RIN2: variants seen among roughly 807,000 people sequenced by gnomAD.
RIN2 encodes RAB5 interacting protein 2.
RIN2 carries 36 observed loss-of-function variants against 78.0 expected under a neutral mutation model. The observed-to-expected ratio is 0.46, with a 90% CI of 0.35 to 0.61. The LOEUF (loss-of-function observed/expected upper bound fraction) is 0.61. RIN2 is among the 20% of genes least tolerant of loss of function. The pLI is 0.00. For synonymous variants in RIN2, 466 were observed against 466.8 expected (o/e 1.00, Z 0.02); for missense variants, 1,087 against 1,159.7 (o/e 0.94, Z 0.91).
chr20:19,787,054 T>C (rs1257371955), intron 1 of RIN2, among the ~76,000 whole-genome samples: 3 of 152,184 alleles, frequency 2.0e-5, no homozygotes, highest in African/African-American at 7.2e-5. Flanking sequence ...GGATTTCTAA[T>C]GAAACCCAAC....
intron 2 of RIN2, among the ~76,000 whole-genome samples, chr20:19,854,356 A>G (rs1402729055): frequency 2.6e-5 from 4 of 152,360 alleles, no homozygotes; most frequent in African/African-American, 7.2e-5. Flanking sequence ...TTGCCTTGGC[A>G]ATGCGGGCCC....
At chr20:19,891,910 A>G (rs755460221) in intron 3 of RIN2, among the ~76,000 whole-genome samples, 1 of 152,260 alleles carries the variant, frequency 6.6e-6, no homozygotes, top group African/African-American at 2.4e-5. Flanking sequence ...GGCCCAATGT[A>G]CTACCTATCA....
At chr20:19,825,817 G>T (rs1396150820) in intron 2 of RIN2, among the ~76,000 whole-genome samples, 2 of 152,162 alleles carry the variant, frequency 1.3e-5, no homozygotes, top group Non-Finnish European at 2.9e-5. Flanking sequence ...CCACTCACAG[G>T]ATTTTGCATT....
intron 5 of RIN2, 42 bp from the exon 6 acceptor site, chr20:19,960,658 C>A: frequency 7.1e-7 from 1 of 1,410,488 alleles, no homozygotes; most frequent in Non-Finnish European, 9.8e-7. Context: ...TTCCAACATT[C>A]TAGATATTTC....
intron 2 of RIN2, among the ~76,000 whole-genome samples, chr20:19,855,814 G>T (rs1332415611): frequency 6.6e-6 from 1 of 152,140 alleles, no homozygotes; most frequent in East Asian, 1.9e-4. Context: ...GGTGGCTCAC[G>T]CTTGTAATCC....
At chr20:19,775,948 CTAA>C (rs748183378) in intron 1 of RIN2, among the ~76,000 whole-genome samples, 33 of 152,240 alleles carry the variant, frequency 2.2e-4, no homozygotes, top group Non-Finnish European at 4.4e-4. Flanking sequence ...AATAGAAATA[CTAA>C]TACTAACAAA....
chr20:19,832,078 G>C (rs945942098), intron 2 of RIN2, among the ~76,000 whole-genome samples: 1 of 152,004 alleles, frequency 6.6e-6, no homozygotes, highest in African/African-American at 2.4e-5. Context: ...CTGTGTGGTG[G>C]TGAGAATGTA....
chr20:19,883,350 T>TA (rs2038084680), intron 2 of RIN2, among the ~76,000 whole-genome samples: 2 of 151,020 alleles, frequency 1.3e-5, no homozygotes, highest in South Asian at 4.2e-4. Flanking sequence ...TTTTTTTTTT[T>TA]TTTTTTTTAG....
intron 2 of RIN2, among the ~76,000 whole-genome samples, chr20:19,805,262 C>G (rs1218282853): frequency 6.6e-6 from 1 of 152,200 alleles, no homozygotes; most frequent in African/African-American, 2.4e-5. Context: ...AGAGGCCATA[C>G]AGTCTGTGAC....
chr20:19,918,105 G>A (rs1225121740), intron 3 of RIN2, among the ~76,000 whole-genome samples: 1 of 152,162 alleles, frequency 6.6e-6, no homozygotes, highest in Non-Finnish European at 1.5e-5. Flanking sequence ...AAAGGGAAGT[G>A]AATGTGACTG....
At chr20:19,808,819 C>G (rs1318604066) in intron 2 of RIN2, among the ~76,000 whole-genome samples, 1 of 152,168 alleles carries the variant, frequency 6.6e-6, no homozygotes, top group Non-Finnish European at 1.5e-5. Flanking sequence ...TGCCAGCGAC[C>G]CTAGGGATAC....
intron 2 of RIN2, among the ~76,000 whole-genome samples, chr20:19,827,819 T>TC (rs1362001283): frequency 6.6e-6 from 1 of 151,766 alleles, no homozygotes; most frequent in Non-Finnish European, 1.5e-5. Context: ...TCTTTTTTTT[T>TC]TTTTTTGCTG....
chr20:19,920,864 G>A (rs915613521), intron 3 of RIN2, among the ~76,000 whole-genome samples: 1 of 152,110 alleles, frequency 6.6e-6, no homozygotes, highest in African/African-American at 2.4e-5. Flanking sequence ...GTGGAGACGG[G>A]GTTTCACCAT....
At position 19,932,623 on chromosome 20, in the gene RIN2, CCTT is replaced by C. The variant is rs544179916; in HGVS notation, c.58-2470_58-2468del. ...AAGCATGAAGGGCTTGGCTGGCTTCCCTTCTTCTGACCTCTAAGTCCTGGGAGT... is the reference window on the plus strand; with the variant it reads ...AAGCATGAAGGGCTTGGCTGGCTTCCCTTCTGACCTCTAAGTCCTGGGAGT... On this transcript the variant is annotated intron_variant, in intron 3 of 12. Transcript: ENST00000255006. Among the ~76,000 whole-genome samples, 678 of 152,260 alleles carry C rather than the reference CCTT, an allele frequency of 4.5e-3. 2 individuals carry two copies. The highest frequency in any genetic ancestry group is 8.0e-3 in the Non-Finnish European group (542 of 68,022).
At chr20:19,949,819 A>T (rs6112675) in intron 4 of RIN2, among the ~76,000 whole-genome samples, 17,682 of 152,216 alleles carry the variant, frequency 0.12, 1,304 homozygotes, top group East Asian at 0.38. Context: ...ATTCTGAATT[A>T]GGACAAGAAA....
In RIN2 at chr20:19,975,218, G is replaced by A. The variant is rs376231790; in HGVS notation, c.1193G>A (p.Gly398Glu). ...LELGTAGSPGGAPPEAAPGDC... is the reference protein window; with the variant it reads ...LELGTAGSPGEAPPEAAPGDC... ...CTGGGCACAGCTGGCAGCCCAGGTG[G>A]GGCCCCGCCTGAGGCCGCCCCGGGG... Residue 398 changes from glycine to glutamate, a missense_variant, in exon 9 of 13, where the codon GGG (glycine) becomes GAG (glutamate). Around this residue, in one of 8 missense-constraint regions of RIN2, gnomAD observed 706 missense variants for 667.5 expected, o/e 1.06. Transcript: ENST00000255006. The surrounding 1 kb of genome is among the most constrained non-coding windows in gnomAD (Gnocchi z 4.9). The A allele has an allele frequency of 3.8e-6, 6 of 1,590,956 alleles. No individual in the cohort carries two copies. Among genetic ancestry groups the A allele is most frequent in the Admixed American group, 3.6e-5 (2 of 56,036 alleles).
At chr20:19,896,734 A>G (rs548864127) in intron 3 of RIN2, among the ~76,000 whole-genome samples, 1 of 152,336 alleles carries the variant, frequency 6.6e-6, no homozygotes, top group South Asian at 2.1e-4. Flanking sequence ...AATTCTTCAT[A>G]GACACTGACA....
At chr20:19,828,127 T>G (rs1275132368) in intron 2 of RIN2, among the ~76,000 whole-genome samples, 2 of 152,210 alleles carry the variant, frequency 1.3e-5, no homozygotes, top group Non-Finnish European at 2.9e-5. Flanking sequence ...AACTTCCCAT[T>G]CTGTTTGATG....
At chr20:19,881,219 C>T (rs1396763414) in intron 2 of RIN2, among the ~76,000 whole-genome samples, 1 of 152,154 alleles carries the variant, frequency 6.6e-6, no homozygotes, top group Non-Finnish European at 1.5e-5. Flanking sequence ...ATGAACTTTC[C>T]AAGTCTGTTG....
Sources: gnomAD v4.1 joint callset for allele counts (sites outside exome capture counted in the v4.1 genomes callset) on GRCh38, gnomAD v4.1.1 for gene constraint, gnomAD v4.1.1 regional missense constraint, Gnocchi (gnomAD v3.1) non-coding constraint, MANE v1.5 for transcripts, NCBI Gene and HGNC (gene_info 2026-07-23, HGNC 2026-07-21) for gene names.